The following UNC13C variants were observed in gnomAD, a reference collection of about 807,000 sequenced individuals.
The protein encoded by UNC13C is unc-13 homolog C.
A neutral mutation model predicts 245.4 loss-of-function variants in UNC13C; 174 were observed. That is an observed-to-expected ratio of 0.71 (90% CI 0.63 to 0.80). UNC13C has a LOEUF of 0.80. UNC13C is among the 30% of genes least tolerant of loss of function. The pLI, the probability that UNC13C is intolerant of heterozygous loss-of-function variation, is 0.00. For missense variants in UNC13C, 2,829 were observed against 2,602.9 expected (o/e 1.09, Z -1.89); for synonymous variants, 992 against 895.1 (o/e 1.11, Z -1.93).
chr15:54,346,224 A>T lies in UNC13C; in HGVS notation c.4713+7735A>T. On this transcript the variant is annotated intron_variant, in intron 17 of 32. Coordinates refer to ENST00000260323, the MANE Select transcript of UNC13C (RefSeq NM_001080534.3). Reference sequence around the variant, plus strand: ...GGTTGATAAACGAAGTAATTATCTAATAAAAATAACATTTAAAGAAAAAGG... The same window carrying T: ...GGTTGATAAACGAAGTAATTATCTATTAAAAATAACATTTAAAGAAAAAGG... Among the ~76,000 whole-genome samples, 3 of 151,690 alleles carry T rather than the reference A, an allele frequency of 2.0e-5. No homozygotes were observed. The Admixed American group carries it at 2.0e-4, about 10-fold the overall frequency.
At chr15:53,912,598 G>A in the UNC13C span, 2 of 152,118 alleles carry the variant, frequency 1.3e-5, no homozygotes, top group Non-Finnish European at 2.9e-5. Flanking sequence ...ATATTCTGGG[G>A]GTGGACATTT....
chr15:53,947,044 A>G, the UNC13C span, among the ~76,000 whole-genome samples: 1 of 152,188 alleles, frequency 6.6e-6, no homozygotes, highest in East Asian at 1.9e-4. Context: ...AAACAAATGA[A>G]ACTTTCAATT....
chr15:54,418,139 GC>G (rs2040559823), intron 19 of UNC13C, among the ~76,000 whole-genome samples: 1 of 152,074 alleles, frequency 6.6e-6, no homozygotes, highest in South Asian at 2.1e-4. Context: ...GAATAGTAAA[GC>G]TTTAGCTCAT....
chr15:54,135,548 G>A (rs1231653402), intron 2 of UNC13C, among the ~76,000 whole-genome samples: 1 of 152,044 alleles, frequency 6.6e-6, no homozygotes, highest in Non-Finnish European at 1.5e-5. Context: ...ACCATTTATT[G>A]AAGAGACAGT....
rs773627933 is a variant in UNC13C at position 54,500,959 on chromosome 15, T to C, written c.5282T>C (p.Leu1761Ser). Residue 1761 changes from leucine (L) to serine (S), a missense_variant, in exon 22 of 33, where the codon TTA (leucine) becomes TCA (serine). Transcript: ENST00000260323. ...CCTAATCCTGAAGCATTATCTCACT[T>C]AATGAGAAGATTTGCAAAGGTAGGT... ...ECPNPEALSH[L>S]MRRFAKTINK... 1 of 1,612,526 alleles carries C rather than the reference T, an allele frequency of 6.2e-7. No homozygotes were observed. Among genetic ancestry groups the C allele is most frequent in the Non-Finnish European group, 8.5e-7 (1 of 1,179,020 alleles).
intron 4 of UNC13C, among the ~76,000 whole-genome samples, chr15:54,189,121 C>G (rs770185211): frequency 4.6e-5 from 7 of 152,074 alleles, no homozygotes; most frequent in Non-Finnish European, 8.8e-5. Flanking sequence ...AACTCATTGC[C>G]TATTATGAGT....
chr15:54,250,821 A>T (rs76136329), intron 8 of UNC13C, among the ~76,000 whole-genome samples: 3,590 of 130,596 alleles, frequency 0.027, 149 homozygotes, highest in African/African-American at 0.1. Context: ...CAGTGGCACG[A>T]TCTCAACTCA....
chr15:54,085,984 A>T (rs1899218012), intron 2 of UNC13C, among the ~76,000 whole-genome samples: 1 of 152,246 alleles, frequency 6.6e-6, no homozygotes, highest in African/African-American at 2.4e-5. Context: ...ATACAGAGTG[A>T]TATTTCAATA....
intron 10 of UNC13C, among the ~76,000 whole-genome samples, chr15:54,283,696 G>A (rs978490623): frequency 5.3e-5 from 6 of 112,710 alleles, no homozygotes; most frequent in Non-Finnish European, 1.1e-4. Context: ...TGATATATAT[G>A]TGTGTATATA....
Position 54,264,146 on chromosome 15 carries a change from A to T in UNC13C, c.3449-22A>T. 3 of 1,552,766 alleles carry T rather than the reference A, an allele frequency of 1.9e-6. No individual in the cohort carries two copies. In the South Asian group the frequency reaches 3.6e-5, roughly 18 times the overall value. On this transcript the variant is annotated intron_variant, in intron 8 of 32. Coordinates refer to ENST00000260323, the MANE Select transcript of UNC13C (RefSeq NM_001080534.3). ...AAGTAATGGCATTTCCATTCACATC[A>T]CCATTGATGTTTCCATCATAGGAGC...
At chr15:54,158,365 G>C (rs189378875) in intron 4 of UNC13C, among the ~76,000 whole-genome samples, 22 of 151,410 alleles carry the variant, frequency 1.5e-4, no homozygotes, top group African/African-American at 5.3e-4. Flanking sequence ...TCTCACTCTT[G>C]TCGCCCAGGC....
the UNC13C span, among the ~76,000 whole-genome samples, chr15:53,961,730 A>G: frequency 1.3e-5 from 2 of 152,236 alleles, 1 homozygote; most frequent in South Asian, 4.1e-4. Context: ...CAACACAGAC[A>G]TTCCTGAAAA....
At chr15:54,587,032 A>G (rs1298453413) in intron 30 of UNC13C, among the ~76,000 whole-genome samples, 2 of 152,204 alleles carry the variant, frequency 1.3e-5, no homozygotes, top group African/African-American at 4.8e-5. Flanking sequence ...GATTCATTTT[A>G]TGTACCAATA....
chr15:54,612,407 T>G (rs889680204), intron 30 of UNC13C, among the ~76,000 whole-genome samples: 2 of 152,016 alleles, frequency 1.3e-5, no homozygotes, highest in East Asian at 1.9e-4. Context: ...TCTTTATACA[T>G]TAGGGATAGT....
chr15:54,394,794 G>A (rs930346728), intron 18 of UNC13C, among the ~76,000 whole-genome samples: 2 of 151,734 alleles, frequency 1.3e-5, no homozygotes, highest in African/African-American at 4.8e-5. Flanking sequence ...TAAAATCATG[G>A]AAGAAATTAA....
At chr15:54,054,968 G>A (rs1897443280) in intron 2 of UNC13C, among the ~76,000 whole-genome samples, 1 of 152,100 alleles carries the variant, frequency 6.6e-6, no homozygotes, top group Non-Finnish European at 1.5e-5. Context: ...TGAATCAACT[G>A]TGGCCTACAC....
chr15:54,402,690 G>A (rs1439094397), intron 18 of UNC13C, among the ~76,000 whole-genome samples: 1 of 152,048 alleles, frequency 6.6e-6, no homozygotes, highest in African/African-American at 2.4e-5. Context: ...CCAAACTGCA[G>A]ATGATGAAAC....
intron 2 of UNC13C, chr15:54,049,859 C>A: frequency 4.3e-6 from 1 of 234,498 alleles, no homozygotes; most frequent in Admixed American, 5.3e-5. Context: ...TGTAACTATC[C>A]CATGCCTTAT....
chr15:54,105,670 GA>G (rs1567018072), intron 2 of UNC13C, among the ~76,000 whole-genome samples: 2 of 152,020 alleles, frequency 1.3e-5, no homozygotes, highest in African/African-American at 4.8e-5. Flanking sequence ...TGAAAATATA[GA>G]GACAGAAAAA....
Sources: gnomAD v4.1 joint callset for allele counts (sites outside exome capture counted in the v4.1 genomes callset) on GRCh38, gnomAD v4.1.1 for gene constraint, MANE v1.5 for transcripts, NCBI Gene and HGNC (gene_info 2026-07-23, HGNC 2026-07-21) for gene names.